TLE5: variants seen among roughly 807,000 people sequenced by gnomAD.
The protein encoded by TLE5 is TLE family member 5, transcriptional modulator, also known as TLE family member 5.
A neutral mutation model predicts 25.8 loss-of-function variants in TLE5; 7 were observed. The observed-to-expected ratio is 0.27, with a 90% CI of 0.15 to 0.51. The LOEUF (loss-of-function observed/expected upper bound fraction) is 0.51, where lower values mean the gene tolerates loss of function less well. TLE5 is among the 20% of genes least tolerant of loss of function. The pLI is 0.97. For synonymous variants in TLE5, 132 were observed against 110.5 expected (o/e 1.20, Z -1.22); for missense variants, 149 against 250.7 (o/e 0.59, Z 2.74).
rs571276872 is a variant in TLE5 at position 3,056,032 on chromosome 19, G to A, written c.234+280C>T. ...CCTGGCAGGTAGTAAGCGCTTGTGC[G>A]AATGTAGGGAGGGCTGGGGGCCGTA... On this transcript the variant is annotated intron_variant, in intron 4 of 6. Transcript: ENST00000327141. 51 of 521,666 alleles carry A rather than the reference G, an allele frequency of 9.8e-5. 1 individual carries two copies. In the East Asian group the frequency reaches 1.2e-3, roughly 13 times the overall value. The allele number at this position is 521,666 out of a possible 1,614,324, so 32.3% of individuals were successfully genotyped here. A position where few individuals can be genotyped will look rare whatever the true frequency, so the allele number is the denominator to read the frequency against.
chr19:3,053,752 T>C lies in TLE5; in HGVS notation c.*67A>G. The C allele has an allele frequency of 2.6e-6, 4 of 1,522,388 alleles. No homozygotes were observed. The highest frequency in any genetic ancestry group is 3.6e-6 in the Non-Finnish European group (4 of 1,115,378). 94.3% of individuals were successfully genotyped at this position (1,522,388 alleles called of 1,614,324 possible). The stretch of plus-strand genomic sequence containing the variant: ...GCTCCGCTGTGTCTTGTGCTAAACA[T>C]TCCTTTCTCTCCGTGCCTCTGTCTC... On this transcript the variant is annotated 3_prime_UTR_variant, in exon 7 of 7. Coordinates refer to ENST00000327141, the MANE Select transcript of TLE5 (RefSeq NM_001130.6).
At chr19:3,054,086 T>TCGGGGGGGGGCGCCCCCCCCC in intron 6 of TLE5, 34 bp downstream of exon 6, 1 of 1,512,818 alleles carries the variant, frequency 6.6e-7, no homozygotes. Context: ...GGCCCACCTG[T>TCGGGGGGGGGCGCCCCCCCCC]CCCCCGCCCA....
chr19:3,054,368 C>T (rs552466134), intron 5 of TLE5, 174 bp from the exon 6 acceptor site: 1 of 621,064 alleles, frequency 1.6e-6, no homozygotes, highest in African/African-American at 1.8e-5. Flanking sequence ...CAACTGCTTC[C>T]TTTCACCAAG....
In TLE5 at chr19:3,061,141, C is replaced by T. The variant is rs933572772; in HGVS notation, c.125+19G>A. ...ACTCACATTCTCGGGACGCAGGGAC[C>T]CCCAGTCCCCCAGCTCACCTGTGGT... On this transcript the variant is annotated intron_variant, in intron 2 of 6. Coordinates refer to ENST00000327141, the MANE Select transcript of TLE5 (RefSeq NM_001130.6). The T allele has an allele frequency of 6.3e-7, 1 of 1,591,372 alleles. No homozygotes were observed. The highest frequency in any genetic ancestry group is 1.1e-5 in the South Asian group (1 of 90,536).
At chr19:3,058,782 G>A (rs2090240974) in intron 2 of TLE5, among the ~76,000 whole-genome samples, 1 of 152,186 alleles carries the variant, frequency 6.6e-6, no homozygotes, top group Non-Finnish European at 1.5e-5. Flanking sequence ...ATGGTGGTGG[G>A]GGAGGTGTCC....
At chr19:3,062,726 C>T (rs1599276921), upstream of TLE5, 1 of 1,536,444 alleles carries the variant, frequency 6.5e-7, no homozygotes, top group East Asian at 2.5e-5. Flanking sequence ...CCTCGGTTTC[C>T]CCATCTGTCA....
rs1599269338 is a variant in TLE5, at chr19:3,056,059, G to A, written c.234+253C>T. On this transcript the variant is annotated intron_variant, in intron 4 of 6. Coordinates refer to ENST00000327141, the MANE Select transcript of TLE5 (RefSeq NM_001130.6). The stretch of plus-strand genomic sequence containing the variant: ...ATGTAGGGAGGGCTGGGGGCCGTAG[G>A]CTGTGGGGAAGGTCTCTGCCCCTCC... 9.3e-6 allele frequency: 5 copies of A among 538,772 alleles called. 1 individual carries two copies. In the East Asian group the frequency reaches 1.6e-4, roughly 17 times the overall value. 33.4% of individuals were successfully genotyped at this position (538,772 alleles called of 1,614,324 possible).
At position 3,057,675 on chromosome 19, in the gene TLE5, T is replaced by A; in HGVS notation, c.189+4A>T. The A allele has an allele frequency of 1.2e-6, 2 of 1,613,226 alleles. No homozygotes were observed. Among genetic ancestry groups the A allele is most frequent in the Non-Finnish European group, 1.7e-6 (2 of 1,179,714 alleles). On this transcript the variant is annotated splice_donor_region_variant and intron_variant, in intron 3 of 6. Coordinates refer to ENST00000327141, the MANE Select transcript of TLE5 (RefSeq NM_001130.6). ...CACTGGACCTGGGGGCGGAGTGACGTTACCATCACATAGTGACGCTGCATC... is the reference window on the plus strand; with the variant it reads ...CACTGGACCTGGGGGCGGAGTGACGATACCATCACATAGTGACGCTGCATC...
chr19:3,053,464 G>T lies in TLE5; in HGVS notation c.*355C>A. On this transcript the variant is annotated 3_prime_UTR_variant, in exon 7 of 7. Transcript: ENST00000327141. Reference sequence around the variant, plus strand: ...AGGGCTGTGGCCCAGGCAGACTGTCGGTTACACATGTTCAAAACGGGGGAA... The same window carrying T: ...AGGGCTGTGGCCCAGGCAGACTGTCTGTTACACATGTTCAAAACGGGGGAA... The T allele has an allele frequency of 3.1e-6, 1 of 321,442 alleles. No individual in the cohort carries two copies. Among genetic ancestry groups the T allele is most frequent in the Non-Finnish European group, 5.8e-6 (1 of 171,534 alleles). The allele number at this position is 321,442 out of a possible 1,614,324, so 19.9% of individuals were successfully genotyped here. A position where few individuals can be genotyped will look rare whatever the true frequency, so the allele number is the denominator to read the frequency against.
At chr19:3,056,383 G>A (rs1428879908) in intron 3 of TLE5, 27 bp from the exon 4 acceptor site, 35 of 801,352 alleles carry the variant, frequency 4.4e-5, no homozygotes, top group Non-Finnish European at 6.0e-5. Flanking sequence ...GAGGGGGAGC[G>A]GGAGATGGGG....
At chr19:3,057,652 C>G (rs1210262247) in intron 3 of TLE5, 27 bp downstream of exon 3, 1 of 1,611,948 alleles carries the variant, frequency 6.2e-7, no homozygotes, top group African/African-American at 1.3e-5. Context: ...GCCCCCAACA[C>G]TGGACCTGGG....
At chr19:3,055,968 G>A (rs779870438) in intron 4 of TLE5, 5 of 537,350 alleles carry the variant, frequency 9.3e-6, no homozygotes, top group South Asian at 8.0e-5. Context: ...GCAGGATGAG[G>A]CCAGACTGCA....
At chr19:3,056,661 C>T (rs1279193539) in intron 3 of TLE5, 10 of 592,928 alleles carry the variant, frequency 1.7e-5, no homozygotes, top group Non-Finnish European at 1.3e-5. Flanking sequence ...ACCGCGAGAA[C>T]ACGCATTCCA....
intron 5 of TLE5, chr19:3,054,549 T>G (rs2090201729): frequency 2.6e-6 from 1 of 382,102 alleles, no homozygotes; most frequent in Admixed American, 3.8e-5. Context: ...CATGTGAATG[T>G]TTGTGCAGTA....
intron 3 of TLE5, 94 bp from the exon 4 acceptor site, chr19:3,056,450 C>G: frequency 1.8e-6 from 1 of 548,948 alleles, no homozygotes; most frequent in South Asian, 2.0e-5. Context: ...CAGAGACAGA[C>G]AAAGGGGGGA....
At position 3,053,920 on chromosome 19, in the gene TLE5, AGAG is replaced by A. The variant is rs1325253305; in HGVS notation, c.490_492del (p.Leu164del). Reference sequence around the variant, plus strand: ...GCCTGGGAACCCAGCGCGGACAGCGAGAGGAGGCCGGTGCCTGCGCTGACCGCC... The same window carrying A: ...GCCTGGGAACCCAGCGCGGACAGCGAGAGGCCGGTGCCTGCGCTGACCGCC... On this transcript the variant is annotated inframe_deletion, in exon 7 of 7. Transcript: ENST00000327141. 2 of 1,612,716 alleles carry A rather than the reference AGAG, an allele frequency of 1.2e-6. No homozygotes were observed. The highest frequency in any genetic ancestry group is 1.3e-5 in the African/African-American group (1 of 74,856).
chr19:3,056,100 A>G, intron 4 of TLE5: 1 of 496,924 alleles, frequency 2.0e-6, no homozygotes, highest in Non-Finnish European at 3.5e-6. Flanking sequence ...ACCGGGAGAA[A>G]CACTCCCAGG....
rs760462560 is a variant in TLE5 at position 3,053,829 on chromosome 19, T to G, written c.584A>C (p.Lys195Thr). 2 of 1,612,268 alleles carry G rather than the reference T, an allele frequency of 1.2e-6. No individual in the cohort carries two copies. Among genetic ancestry groups the G allele is most frequent in the East Asian group, 4.5e-5 (2 of 44,856 alleles). Residue 195 changes from lysine (K) to threonine (T), a missense_variant, in exon 7 of 7, where the codon AAG becomes ACG. By Grantham distance (78) the Lys-to-Thr change is moderately conservative. Coordinates refer to ENST00000327141, the MANE Select transcript of TLE5 (RefSeq NM_001130.6). The stretch of plus-strand genomic sequence containing the variant: ...TGTCCCGGCCCCCTGCTAATCCGAC[T>G]TCTCGCCATCATCCTCCTGGTGGGT... ...GDTHQEDDGEKSD is the reference protein window; with the variant it reads ...GDTHQEDDGETSD
At chr19:3,055,826 G>T in intron 4 of TLE5, 100 bp from the exon 5 acceptor site, 1 of 1,334,906 alleles carries the variant, frequency 7.5e-7, no homozygotes, top group South Asian at 1.5e-5. Flanking sequence ...CCTGCCACTT[G>T]CGGCTTCTAA....
Sources: allele counts gnomAD v4.1 joint callset (sites outside exome capture counted in the v4.1 genomes callset), GRCh38; gene constraint gnomAD v4.1.1; transcripts MANE v1.5; gene names NCBI Gene and HGNC (gene_info 2026-07-23, HGNC 2026-07-21).